ITFG2: variants seen among roughly 807,000 people sequenced by gnomAD.
ITFG2 encodes KICSTOR complex protein ITFG2.
Under a neutral mutation model 54.4 loss-of-function variants are expected in ITFG2, and 36 were observed. The observed-to-expected ratio is 0.66, with a 90% CI of 0.51 to 0.87. The LOEUF (loss-of-function observed/expected upper bound fraction) is 0.87, where lower values mean the gene tolerates loss of function less well. Ranked by LOEUF, ITFG2 falls within the 40% of genes least tolerant of loss-of-function variation. The probability of loss-of-function intolerance (pLI) is 0.00; values close to 1 mark genes in which losing one functional copy is unlikely to be tolerated. For synonymous variants in ITFG2, 211 were observed against 225.4 expected, an observed-to-expected ratio of 0.94 and a Z score of 0.57; for missense variants, 524 against 576.7, an observed-to-expected ratio of 0.91 and a Z score of 0.94.
upstream of ITFG2, among the ~76,000 whole-genome samples, chr12:2,833,815 A>G (rs933952322): frequency 6.6e-6 from 1 of 152,192 alleles, no homozygotes; most frequent in Admixed American, 6.5e-5. Flanking sequence ...AACTCTCCCA[A>G]CAATCCTATG....
At chr12:2,817,362 T>G in intron 2 of ITFG2, 44 bp downstream of exon 2, 6 of 1,402,872 alleles carry the variant, frequency 4.3e-6, no homozygotes, top group East Asian at 2.3e-5. Context: ...AAGGGATCCC[T>G]TCTGTCCAGG....
At chr12:2,832,478 T>C (rs2098008356), upstream of ITFG2, among the ~76,000 whole-genome samples, 1 of 152,040 alleles carries the variant, frequency 6.6e-6, no homozygotes, top group African/African-American at 2.4e-5. Flanking sequence ...ACTGGATGAC[T>C]GGCTTAACAC....
intron 2 of ITFG2, 161 bp downstream of exon 2, chr12:2,817,479 C>T: frequency 3.3e-6 from 2 of 600,210 alleles, no homozygotes; most frequent in South Asian, 2.0e-5. Context: ...GGAGGGCAGC[C>T]CCCAGCTAGT....
chr12:2,827,484 A>G, downstream of ITFG2: 1 of 1,538,082 alleles, frequency 6.5e-7, no homozygotes, highest in South Asian at 1.3e-5. The surrounding 1 kb of genome is among the most constrained non-coding windows in gnomAD (Gnocchi z 4.0). Context: ...ACTTGGTGGT[A>G]AGTAAGGAAC....
rs538079174 is a variant in ITFG2, at chr12:2,843,575, T to G, written n.300+2580T>G. ...TGCCTGTAATCTCAGCACTTAAGGA[T>G]GCCGAGGTGGGTGGATCACCTGAGG... On this transcript the variant is annotated intron_variant and non_coding_transcript_variant, in intron 2 of 3. Coordinates refer to the ITFG2 transcript ENST00000537710. 4.6e-5 allele frequency among the ~76,000 whole-genome samples: 7 copies of G among 151,696 alleles called. No individual in the cohort carries two copies. In the East Asian group the frequency reaches 1.4e-3, roughly 30 times the overall value.
intron 1 of ITFG2, among the ~76,000 whole-genome samples, chr12:2,814,087 G>T (rs117701901): frequency 6.6e-6 from 1 of 152,140 alleles, no homozygotes; most frequent in South Asian, 2.1e-4. Flanking sequence ...GGGACTACAG[G>T]TGCCTGCCAC....
intron 3 of ITFG2, chr12:2,858,839 T>C (rs759900571): frequency 9.3e-6 from 15 of 1,614,016 alleles, no homozygotes; most frequent in Middle Eastern, 1.6e-4. Context: ...TGGGGACGTC[T>C]ATATCTGAGG....
chr12:2,850,695 CAG>C (rs2098067478), intron 2 of ITFG2, among the ~76,000 whole-genome samples: 1 of 148,712 alleles, frequency 6.7e-6, no homozygotes, highest in Admixed American at 6.7e-5. Context: ...TTTGTTGAGA[CAG>C]AGTCTCACTC....
intron 6 of ITFG2, 136 bp downstream of exon 6, chr12:2,821,008 C>G (rs2097942335): frequency 1.1e-6 from 1 of 930,828 alleles, no homozygotes; most frequent in Non-Finnish European, 1.6e-6. Context: ...CACCTTTGCC[C>G]CACTGGGGAA....
chr12:2,830,559 G>T lies in ITFG2; in HGVS notation c.*60-275G>T, dbSNP rs944614269. 5 of 755,536 alleles carry T rather than the reference G, an allele frequency of 6.6e-6. No individual in the cohort carries two copies. In the East Asian group the frequency reaches 8.7e-5, roughly 13 times the overall value. The allele number at this position is 755,536 out of a possible 1,614,324, so 46.8% of individuals were successfully genotyped here. On this transcript the variant is annotated intron_variant and NMD_transcript_variant, in intron 2 of 2. Coordinates refer to the ITFG2 transcript ENST00000538822. The stretch of plus-strand genomic sequence containing the variant: ...ATGGCTTGGGGCAGGGAGGAAGGAG[G>T]TAGAGGATCCTGGTTAGGTCCAGGC...
At chr12:2,827,532 T>G, downstream of ITFG2, 6 of 1,592,894 alleles carry the variant, frequency 3.8e-6, no homozygotes, top group Non-Finnish European at 4.3e-6. This position sits in a 1 kb window ranked among gnomAD's most constrained non-coding sequence, Gnocchi z 4.0. Flanking sequence ...CATCTCTAAG[T>G]CACTCTCATC....
In ITFG2 at chr12:2,820,161, G is replaced by A. The variant is rs1385917469; in HGVS notation, c.482G>A (p.Gly161Asp). The A allele has an allele frequency of 6.2e-7, 1 of 1,614,040 alleles. No individual in the cohort carries two copies. Among genetic ancestry groups the A allele is most frequent in the Non-Finnish European group, 8.5e-7 (1 of 1,179,966 alleles). ...CGAGCTTTCCGCTGGGAGGAGCTAG[G>A]TGAGGGTCCTGAACATCTGACAGGG... Reference protein sequence around the residue: ...VVRAFRWEELGEGPEHLTGQL... With the variant: ...VVRAFRWEELDEGPEHLTGQL... The change falls in exon 5 of 12, where the codon GGT (glycine) becomes GAT (aspartate). Residue 161 changes from glycine (G) to aspartate (D), a missense_variant. Gly to Asp is a moderately conservative substitution (Grantham distance 94). Transcript: ENST00000228799.
Position 2,820,785 on chromosome 12 carries a change from C to T in ITFG2, c.608C>T (p.Pro203Leu). The T allele has an allele frequency of 6.2e-7, 1 of 1,614,074 alleles. No individual in the cohort carries two copies. The highest frequency in any genetic ancestry group is 8.5e-7 in the Non-Finnish European group (1 of 1,179,992). The change falls in exon 6 of 12, where the codon CCA (proline) becomes CTA (leucine). Residue 203 changes from proline (P) to leucine (L), a missense_variant. By Grantham distance (98) the Pro-to-Leu change is moderately conservative. Coordinates refer to ENST00000228799, the MANE Select transcript of ITFG2 (RefSeq NM_018463.4). ...CTTCCTGAACTGATGGTGTCTCAGC[C>T]AGGTTGTGCGTATGCAATTCTACTG... Reference protein sequence around the residue: ...LGLPELMVSQPGCAYAILLCT... With the variant: ...LGLPELMVSQLGCAYAILLCT...
chr12:2,846,151 C>T (rs1029026701), intron 2 of ITFG2, among the ~76,000 whole-genome samples: 3 of 152,178 alleles, frequency 2.0e-5, no homozygotes, highest in African/African-American at 7.2e-5. Context: ...AGCCTGGATA[C>T]TGCTGCAGAG....
At position 2,812,712 on chromosome 12, in the gene ITFG2, CA is replaced by C. The variant is rs2097911716; in HGVS notation, c.-48del. 1 of 1,527,266 alleles carries C rather than the reference CA, an allele frequency of 6.5e-7. No individual in the cohort carries two copies. The highest frequency in any genetic ancestry group is 9.1e-7 in the Non-Finnish European group (1 of 1,104,470). 94.6% of individuals were successfully genotyped at this position (1,527,266 alleles called of 1,614,324 possible). On this transcript the variant is annotated 5_prime_UTR_variant, in exon 1 of 12. Coordinates refer to ENST00000228799, the MANE Select transcript of ITFG2 (RefSeq NM_018463.4). Reference sequence around the variant, plus strand: ...TCTGGCGGCTGTCGCGACGGGGGTTCAGGGAATATTTACTGGGCCTCTCCGC... The same window carrying C: ...TCTGGCGGCTGTCGCGACGGGGGTTCGGGAATATTTACTGGGCCTCTCCGC...
chr12:2,818,370 G>A (rs748305890), intron 4 of ITFG2, 93 bp downstream of exon 4: 28 of 1,561,318 alleles, frequency 1.8e-5, no homozygotes, highest in African/African-American at 4.0e-5. Context: ...GGGAGAATCC[G>A]TATTCATGTA....
chr12:2,824,220 G>A lies in ITFG2; in HGVS notation c.*27G>A. The A allele has an allele frequency of 6.2e-7, 1 of 1,605,820 alleles. No homozygotes were observed. The highest frequency in any genetic ancestry group is 8.5e-7 in the Non-Finnish European group (1 of 1,172,494). ...TGTACTTGCCTCATAGCTGGTGAAG[G>A]ATTCTTCTGAACCCCCACCCTACCC... is the stretch of plus-strand genomic sequence containing the variant. On this transcript the variant is annotated 3_prime_UTR_variant, in exon 12 of 12. Transcript: ENST00000228799.
intron 10 of ITFG2, 56 bp from the exon 11 acceptor site, chr12:2,823,714 C>A: frequency 6.7e-7 from 1 of 1,503,188 alleles, no homozygotes; most frequent in South Asian, 1.4e-5. Context: ...GCTGTCTGCC[C>A]CCCACTGTCG....
upstream of ITFG2, among the ~76,000 whole-genome samples, chr12:2,832,129 G>A (rs74054754): frequency 6.3e-3 from 958 of 152,172 alleles, 8 homozygotes; most frequent in African/African-American, 0.022. Context: ...CATACCTACC[G>A]AATCAGATGT....
Sources: allele counts gnomAD v4.1 joint callset (sites outside exome capture counted in the v4.1 genomes callset), GRCh38; gene constraint gnomAD v4.1.1; non-coding constraint Gnocchi (gnomAD v3.1); transcripts MANE v1.5; gene names NCBI Gene and HGNC (gene_info 2026-07-23, HGNC 2026-07-21).